The following SLC22A12 variants were observed in gnomAD, a reference collection of about 807,000 sequenced individuals.
SLC22A12 encodes organic anion transporter 4-like protein.
SLC22A12 carries 56 observed loss-of-function variants against 52.7 expected under a neutral mutation model. The observed-to-expected ratio is 1.06, with a 90% confidence interval of 0.86 to 1.33. SLC22A12 has a LOEUF of 1.33. Among genes scored for constraint, SLC22A12 ranks in the 40% most tolerant of loss-of-function variants. The pLI, the probability that SLC22A12 is intolerant of heterozygous loss-of-function variation, is 0.00. For synonymous variants in SLC22A12, 337 were observed against 324.6 expected (o/e 1.04, Z -0.41); for missense variants, 683 against 741.5 (o/e 0.92, Z 0.92).
rs139224371 is a variant in SLC22A12 at position 64,600,831 on chromosome 11, C to A, written c.1491C>A (p.Pro497=). 49 of 1,607,650 alleles carry A rather than the reference C, an allele frequency of 3.0e-5. No individual in the cohort carries two copies. In the East Asian group the frequency reaches 1.0e-3, roughly 34 times the overall value. ...TGGGTGTCCATGGCCCCTGGCTGCC[C>A]TTGCTGGTGTATGGGACGGTGCCAG... ...RLLGVHGPWL[P]LLVYGTVPVL... Residue 497 remains proline, a synonymous_variant, in exon 9 of 10, where the codon CCC becomes CCA. Coordinates refer to ENST00000377574, the MANE Select transcript of SLC22A12 (RefSeq NM_144585.4).
intron 6 of SLC22A12, 34 bp from the exon 7 acceptor site, chr11:64,599,642 A>AC: frequency 2.3e-5 from 1 of 43,826 alleles, no homozygotes; most frequent in South Asian, 1.5e-4. Context: ...CCCACCCCCC[A>AC]CCCCCACCCT....
In SLC22A12 at chr11:64,599,805, G is replaced by A; in HGVS notation, c.1200G>A (p.Leu400=). 6.2e-7 allele frequency: 1 copy of A among 1,612,978 alleles called. No individual in the cohort carries two copies. Among genetic ancestry groups the A allele is most frequent in the African/African-American group, 1.3e-5 (1 of 74,986 alleles). ...IPAKMGALLL[L]SHLGRRPTLA... is the part of the protein sequence containing the mutation. ...CCAAGATGGGCGCCCTGCTGCTGCTGAGCCACCTGGGCCGCCGCCCCACGC... is the reference window on the plus strand; with the variant it reads ...CCAAGATGGGCGCCCTGCTGCTGCTAAGCCACCTGGGCCGCCGCCCCACGC... Residue 400 remains leucine, a synonymous_variant, in exon 7 of 10, where the codon CTG becomes CTA. Transcript: ENST00000377574.
Position 64,595,587 on chromosome 11 carries a change from AGGAG to A in SLC22A12, c.830+1788_830+1791del, listed in dbSNP as rs1162712136. Among the ~76,000 whole-genome samples, 51 of 87,484 alleles carry A rather than the reference AGGAG, an allele frequency of 5.8e-4. 1 individual carries two copies. The highest frequency in any genetic ancestry group is 2.3e-3 in the African/African-American group (50 of 21,620). The allele number at this position is 87,484 out of a possible 152,430, so 57.4% of individuals were successfully genotyped here. A position where few individuals can be genotyped will look rare whatever the true frequency, so the allele number is the denominator to read the frequency against. On this transcript the variant is annotated intron_variant, in intron 4 of 9. Coordinates refer to ENST00000377574, the MANE Select transcript of SLC22A12 (RefSeq NM_144585.4). ...GGAATGGATGGATGGATGGAATGGAAGGAGGGATGGATGGATGGATGGTTGAATG... is the reference window on the plus strand; with the variant it reads ...GGAATGGATGGATGGATGGAATGGAAGGATGGATGGATGGATGGTTGAATG...
At position 64,593,433 on chromosome 11, in the gene SLC22A12, AG is replaced by A. The variant is rs1416790891; in HGVS notation, c.536del (p.Ser179ThrfsTer7). On this transcript the variant is annotated frameshift_variant, in exon 3 of 10. Coordinates refer to ENST00000377574, the MANE Select transcript of SLC22A12 (RefSeq NM_144585.4). LOFTEE classifies it high-confidence loss of function. Reference sequence around the variant, plus strand: ...TGGGCGCAGGCTGGTGCTAACCTGGAGCTACCTTCAGATGGCTGTGATGGGT... The same window carrying A: ...TGGGCGCAGGCTGGTGCTAACCTGGACTACCTTCAGATGGCTGTGATGGGT... ...RFGRRLVLTWSYLQMAVMGTA... is the reference protein window; with the variant it reads ...RFGRRLVLTWXYLQMAVMGTA... 1.2e-6 allele frequency: 2 copies of A among 1,614,018 alleles called. No individual in the cohort carries two copies. The highest frequency in any genetic ancestry group is 2.7e-5 in the African/African-American group (2 of 74,950).
At chr11:64,600,516 C>G in intron 8 of SLC22A12, 41 bp downstream of exon 8, 1 of 1,518,594 alleles carries the variant, frequency 6.6e-7, no homozygotes, top group Non-Finnish European at 8.9e-7. Flanking sequence ...GAGCCCTGGG[C>G]TGAGCTGCGG....
At chr11:64,596,035 G>GA (rs1199344434) in intron 4 of SLC22A12, among the ~76,000 whole-genome samples, 2 of 148,528 alleles carry the variant, frequency 1.3e-5, no homozygotes, top group East Asian at 2.0e-4. Flanking sequence ...TGGATGGATG[G>GA]TTGGAATAGA....
At position 64,593,526 on chromosome 11, in the gene SLC22A12, G is replaced by A. The variant is rs565966323; in HGVS notation, c.628G>A (p.Val210Met). The change falls in exon 3 of 10, where the codon GTG becomes ATG. Residue 210 changes from valine (V) to methionine (M), a missense_variant. By Grantham distance (21) the Val-to-Met change is conservative. Coordinates refer to ENST00000377574, the MANE Select transcript of SLC22A12 (RefSeq NM_144585.4). ...CLFRFLLAFA[V>M]AGVMMNTGTL... ...GTTCCGCTTCCTGTTGGCCTTTGCC[G>A]TGGCAGGCGTCATGATGAACACGGG... 2.0e-5 allele frequency: 32 copies of A among 1,614,196 alleles called. No individual in the cohort carries two copies. The highest frequency in any genetic ancestry group is 6.7e-5 in the Admixed American group (4 of 60,036).
chr11:64,598,997 G>T, intron 6 of SLC22A12, 74 bp downstream of exon 6: 1 of 1,558,770 alleles, frequency 6.4e-7, no homozygotes, highest in Non-Finnish European at 8.7e-7. Context: ...CACGGCCCCG[G>T]CCTCTGCTGG....
chr11:64,596,037 TGGAATAGATG>T (rs1237383985), intron 4 of SLC22A12, among the ~76,000 whole-genome samples: 11 of 140,470 alleles, frequency 7.8e-5, no homozygotes, highest in Non-Finnish European at 1.5e-4. Context: ...GATGGATGGT[TGGAATAGATG>T]GAATGGATAG....
chr11:64,601,917 CCAGAGCT>C lies in SLC22A12; in HGVS notation c.*374_*380del, dbSNP rs1347823286. ...TGTCCCCCCACACCCGTCCACCTGCCCAGAGCTCAGAGCTAACCACCATCCATGGTCA... is the reference window on the plus strand; with the variant it reads ...TGTCCCCCCACACCCGTCCACCTGCCCAGAGCTAACCACCATCCATGGTCA... On this transcript the variant is annotated 3_prime_UTR_variant, in exon 10 of 10. Coordinates refer to ENST00000377574, the MANE Select transcript of SLC22A12 (RefSeq NM_144585.4). 17 of 361,322 alleles carry C rather than the reference CCAGAGCT, an allele frequency of 4.7e-5. No individual in the cohort carries two copies. The highest frequency in any genetic ancestry group is 3.6e-4 in the African/African-American group (17 of 47,050). 22.4% of individuals were successfully genotyped at this position (361,322 alleles called of 1,614,324 possible).
chr11:64,600,889 G>A lies in SLC22A12; in HGVS notation c.1549G>A (p.Glu517Lys), dbSNP rs756890136. ...LSGLAALLLPETQSLPLPDTI... is the reference protein window; with the variant it reads ...LSGLAALLLPKTQSLPLPDTI... The stretch of plus-strand genomic sequence containing the variant: ...TGGCCTGGCCGCACTGCTTCTGCCC[G>A]AGACCCAGAGCTTGCCGCTGCCCGA... Residue 517 changes from glutamate (E) to lysine (K), a missense_variant, in exon 9 of 10, where the codon GAG becomes AAG. By Grantham distance (56) the Glu-to-Lys change is moderately conservative. Transcript: ENST00000377574. The A allele has an allele frequency of 6.8e-6, 11 of 1,609,638 alleles. No homozygotes were observed. Among genetic ancestry groups the A allele is most frequent in the Non-Finnish European group, 9.3e-6 (11 of 1,179,982 alleles).
chr11:64,594,526 A>G (rs550496393), intron 4 of SLC22A12, among the ~76,000 whole-genome samples: 2 of 145,900 alleles, frequency 1.4e-5, no homozygotes, highest in African/African-American at 4.9e-5. Context: ...AGGTAGGTAG[A>G]TAGATAGAGA....
intron 4 of SLC22A12, among the ~76,000 whole-genome samples, chr11:64,594,432 G>A (rs974940560): frequency 1.3e-5 from 2 of 152,254 alleles, no homozygotes; most frequent in African/African-American, 4.8e-5. Context: ...CATAGTAGGT[G>A]CTAAATAAAT....
chr11:64,599,044 T>G, intron 6 of SLC22A12, 121 bp downstream of exon 6: 1 of 1,373,772 alleles, frequency 7.3e-7, no homozygotes, highest in Non-Finnish European at 1.0e-6. Flanking sequence ...CACCGACACC[T>G]TCCCCTCTGT....
intron 6 of SLC22A12, 80 bp from the exon 7 acceptor site, chr11:64,599,596 C>CCCCCCCCCCTGTT: frequency 5.8e-6 from 4 of 693,510 alleles, no homozygotes; most frequent in South Asian, 2.5e-5. Context: ...CCTGAGCCCC[C>CCCCCCCCCCTGTT]ACCGCCCATT....
chr11:64,595,948 ATGG>A (rs374280920), intron 4 of SLC22A12, among the ~76,000 whole-genome samples: 338 of 53,562 alleles, frequency 6.3e-3, no homozygotes, highest in South Asian at 0.014. Flanking sequence ...GGATGGATGG[ATGG>A]ATGGATGGAT....
At position 64,600,843 on chromosome 11, in the gene SLC22A12, T is replaced by A; in HGVS notation, c.1503T>A (p.Tyr501Ter). The change falls in exon 9 of 10, where the codon TAT becomes TAA. Residue 501 changes from tyrosine to a stop codon, truncating the protein, a stop_gained. Transcript: ENST00000377574. LOFTEE classifies it high-confidence loss of function. ...GCCCCTGGCTGCCCTTGCTGGTGTA[T>A]GGGACGGTGCCAGTGCTGAGTGGCC... The part of the protein sequence containing the change: ...VHGPWLPLLV[Y>*]GTVPVLSGLA... The A allele has an allele frequency of 6.2e-7, 1 of 1,608,292 alleles. No homozygotes were observed. Among genetic ancestry groups the A allele is most frequent in the Non-Finnish European group, 8.5e-7 (1 of 1,179,950 alleles).
rs780677191 is a variant in SLC22A12, at chr11:64,591,307, G to C, written c.-250G>C. 18 of 561,972 alleles carry C rather than the reference G, an allele frequency of 3.2e-5. No homozygotes were observed. The highest frequency in any genetic ancestry group is 4.4e-5 in the Non-Finnish European group (14 of 316,708). The allele number at this position is 561,972 out of a possible 1,614,324, so 34.8% of individuals were successfully genotyped here. A position where few individuals can be genotyped will look rare whatever the true frequency, so the allele number is the denominator to read the frequency against. On this transcript the variant is annotated 5_prime_UTR_variant, in exon 1 of 10. Transcript: ENST00000377574. Reference sequence around the variant, plus strand: ...GGTCTGGAGCAGCTGCCTCTCTGGGGAGATGCTGGAGGTCTCGGAATCACC... The same window carrying C: ...GGTCTGGAGCAGCTGCCTCTCTGGGCAGATGCTGGAGGTCTCGGAATCACC...
chr11:64,598,719 A>G, intron 5 of SLC22A12, 80 bp downstream of exon 5: 1 of 1,602,342 alleles, frequency 6.2e-7, no homozygotes. Flanking sequence ...AGACCCACCA[A>G]GGACCTCAGC....
Sources: gnomAD v4.1 joint callset for allele counts (sites outside exome capture counted in the v4.1 genomes callset) on GRCh38, gnomAD v4.1.1 for gene constraint, MANE v1.5 for transcripts, NCBI Gene and HGNC (gene_info 2026-07-23, HGNC 2026-07-21) for gene names.